Variants in PLA2G2A observed in about 807,000 individuals in gnomAD.
PLA2G2A encodes the protein phospholipase A2, membrane associated.
PLA2G2A carries 6 observed loss-of-function variants against 11.2 expected under a neutral mutation model. The observed-to-expected ratio is 0.54, with a 90% confidence interval of 0.29 to 1.06. PLA2G2A has a LOEUF of 1.06. Among genes scored for constraint, PLA2G2A ranks in the 50% least tolerant of loss-of-function variants. PLA2G2A has a pLI of 0.08. For missense variants in PLA2G2A, 133 were observed against 177.1 expected (o/e 0.75, Z 1.41); for synonymous variants, 69 against 65.8 (o/e 1.05, Z -0.23).
intron 4 of PLA2G2A, among the ~76,000 whole-genome samples, chr1:19,976,361 C>A (rs901507049): frequency 6.6e-6 from 1 of 152,196 alleles, no homozygotes; most frequent in African/African-American, 2.4e-5. Flanking sequence ...GGAGGGTGGA[C>A]CTGCAGCCTG....
In PLA2G2A at chr1:19,978,367, T is replaced by C. The variant is rs1270776337; in HGVS notation, c.185+13A>G. ...CAGAGTCTAGGAGGGTAGGGAGGGATAGGTGGCCTCACCGATCCGTTGCAT... is the reference window on the plus strand; with the variant it reads ...CAGAGTCTAGGAGGGTAGGGAGGGACAGGTGGCCTCACCGATCCGTTGCAT... On this transcript the variant is annotated intron_variant, in intron 3 of 4. Coordinates refer to ENST00000482011, the Ensembl canonical transcript of PLA2G2A. The C allele has an allele frequency of 4.3e-6, 7 of 1,610,916 alleles. No homozygotes were observed. The highest frequency in any genetic ancestry group is 2.7e-5 in the African/African-American group (2 of 74,858).
At chr1:19,979,821 T>C (rs2046277091), upstream of PLA2G2A, 1 of 152,236 alleles carries the variant, frequency 6.6e-6, no homozygotes, top group South Asian at 2.1e-4. Context: ...CAGTAGCTGA[T>C]GCCAAAACAC....
intron 1 of PLA2G2A, chr1:19,979,089 T>A: frequency 2.2e-6 from 1 of 452,906 alleles, no homozygotes; most frequent in South Asian, 2.2e-5. Context: ...GATACACTAA[T>A]GAGACCTCCC....
intron 3 of PLA2G2A, 85 bp downstream of exon 3, chr1:19,978,295 C>G: frequency 6.6e-7 from 1 of 1,516,732 alleles, no homozygotes; most frequent in South Asian, 1.1e-5. Flanking sequence ...ACCTCTGCGC[C>G]CATCAGGAAC....
rs2046264424 is a variant in PLA2G2A, at chr1:19,978,947, G to A, written c.-106-68C>T. ...GGTGACTTCCTCTGTCACACTCAGA[G>A]CACACAAGGAGTGCCCTCCAGCAAT... On this transcript the variant is annotated intron_variant, in intron 1 of 4. Coordinates refer to ENST00000482011, the Ensembl canonical transcript of PLA2G2A. 2.1e-4 allele frequency: 137 copies of A among 658,462 alleles called. 1 individual carries two copies. The South Asian group carries it at 2.3e-3, about 11-fold the overall frequency. The allele number at this position is 658,462 out of a possible 1,614,324, so 40.8% of individuals were successfully genotyped here. A position where few individuals can be genotyped will look rare whatever the true frequency, so the allele number is the denominator to read the frequency against.
chr1:19,975,667 G>A (rs377616086), downstream of PLA2G2A: 78 of 1,603,980 alleles, frequency 4.9e-5, no homozygotes, highest in Non-Finnish European at 6.1e-5. Flanking sequence ...GGGAAATTCA[G>A]CACTGGGTGG....
At chr1:19,978,359 G>A in intron 3 of PLA2G2A, 21 bp downstream of exon 3, 2 of 1,610,090 alleles carry the variant, frequency 1.2e-6, no homozygotes, top group Non-Finnish European at 1.7e-6. Context: ...TAGGAGGGTA[G>A]GGAGGGATAG....
At chr1:19,978,949 A>C in intron 1 of PLA2G2A, 70 bp from the exon 2 acceptor site, 1 of 649,726 alleles carries the variant, frequency 1.5e-6, no homozygotes, top group South Asian at 1.7e-5. Context: ...CACTCAGAGC[A>C]CACAAGGAGT....
chr1:19,978,150 TG>T (rs1281880434), intron 3 of PLA2G2A, 29 bp from the exon 4 acceptor site: 2 of 1,518,474 alleles, frequency 1.3e-6, no homozygotes, highest in Admixed American at 1.7e-5. Flanking sequence ...TTGGGGCTCT[TG>T]TCCCACAGCT....
chr1:19,978,196 G>T, intron 3 of PLA2G2A, 75 bp from the exon 4 acceptor site: 1 of 1,365,454 alleles, frequency 7.3e-7, no homozygotes, highest in Non-Finnish European at 1.0e-6. Context: ...TCACCCCCTT[G>T]GACCCTGGGC....
downstream of PLA2G2A, chr1:19,975,552 C>T (rs900436699): frequency 2.2e-5 from 16 of 721,374 alleles, no homozygotes; most frequent in Non-Finnish European, 1.0e-5. Context: ...ATGTCTCATT[C>T]TGGGTGGGTA....
At chr1:19,976,013 T>C (rs1280608600) in intron 4 of PLA2G2A, among the ~76,000 whole-genome samples, 170 bp from the exon 5 acceptor site, 1 of 152,232 alleles carries the variant, frequency 6.6e-6, no homozygotes, top group East Asian at 1.9e-4. Flanking sequence ...ATTCTTGCCC[T>C]TGGGATGCTG....
exon 4 of PLA2G2A, chr1:19,978,095 T>C: frequency 6.2e-7 from 1 of 1,613,824 alleles, no homozygotes; most frequent in East Asian, 2.2e-5. Flanking sequence ...CAGACGTTTG[T>C]AGCAACAGTC....
chr1:19,975,914 G>A, intron 4 of PLA2G2A, 71 bp from the exon 5 acceptor site: 1 of 1,365,580 alleles, frequency 7.3e-7, no homozygotes. Context: ...GGGAACCCTG[G>A]GGTAGAAGAC....
chr1:19,980,078 C>T (rs11573152), upstream of PLA2G2A, among the ~76,000 whole-genome samples: 1,514 of 152,240 alleles, frequency 9.9e-3, 21 homozygotes, highest in African/African-American at 0.032. Flanking sequence ...TTCATTCAGC[C>T]GCTCAATCAT....
upstream of PLA2G2A, among the ~76,000 whole-genome samples, chr1:19,980,050 G>A (rs2046279092): frequency 6.6e-6 from 1 of 152,132 alleles, no homozygotes; most frequent in South Asian, 2.1e-4. Flanking sequence ...TAGAAAAGAG[G>A]GCTTTTAGTG....
chr1:19,980,427 C>G (rs79952454), upstream of PLA2G2A: 2 of 152,496 alleles, frequency 1.3e-5, no homozygotes, highest in African/African-American at 4.8e-5. Flanking sequence ...AGCCTTCGGG[C>G]TGACACTGAC....
chr1:19,979,060 G>C, intron 1 of PLA2G2A, 181 bp from the exon 2 acceptor site: 1 of 522,350 alleles, frequency 1.9e-6, no homozygotes, highest in South Asian at 2.0e-5. Flanking sequence ...CAGGCCCTCA[G>C]ACCTGTGGAG....
chr1:19,975,903 T>C (rs1211014701), intron 4 of PLA2G2A, 60 bp from the exon 5 acceptor site: 13 of 1,460,034 alleles, frequency 8.9e-6, no homozygotes, highest in Admixed American at 5.3e-5. Context: ...TGGCTTCTTG[T>C]GGGAACCCTG....
Sources: gnomAD v4.1 joint callset for allele counts (sites outside exome capture counted in the v4.1 genomes callset) on GRCh38, gnomAD v4.1.1 for gene constraint, MANE v1.5 for transcripts, NCBI Gene and HGNC (gene_info 2026-07-23, HGNC 2026-07-21) for gene names.